The following SWT1 variants were observed in gnomAD, a reference collection of about 807,000 sequenced individuals.
SWT1 encodes SWT1 RNA endoribonuclease homolog, also known as transcriptional protein SWT1.
A neutral mutation model predicts 107.3 loss-of-function variants in SWT1; 33 were observed. The observed-to-expected ratio is 0.31, with a 90% CI of 0.23 to 0.41. SWT1 has a LOEUF of 0.41. Among genes scored for constraint, SWT1 ranks in the 10% least tolerant of loss-of-function variants. SWT1 has a pLI of 1.00. For synonymous variants in SWT1, 345 were observed against 348.3 expected, an observed-to-expected ratio of 0.99 and a Z score of 0.11; for missense variants, 898 against 1,028.9, an observed-to-expected ratio of 0.87 and a Z score of 1.74.
At chr1:185,225,777 A>G (rs766954740) in intron 15 of SWT1, among the ~76,000 whole-genome samples, 6 of 152,188 alleles carry the variant, frequency 3.9e-5, no homozygotes, top group Non-Finnish European at 8.8e-5. Flanking sequence ...CATTTCTTAG[A>G]ATGTATTCTT....
intron 5 of SWT1, 41 bp from the exon 6 acceptor site, chr1:185,180,350 T>A: frequency 6.6e-7 from 1 of 1,518,620 alleles, no homozygotes; most frequent in South Asian, 1.1e-5. Context: ...CCTATTTAGG[T>A]TATGCTTTAT....
At chr1:185,262,721 G>C (rs1447764049) in intron 16 of SWT1, among the ~76,000 whole-genome samples, 2 of 151,970 alleles carry the variant, frequency 1.3e-5, no homozygotes, top group Non-Finnish European at 2.9e-5. Flanking sequence ...GTGCTTGGCT[G>C]ACTCTTCATG....
At chr1:185,210,444 A>G (rs1337286841) in intron 13 of SWT1, among the ~76,000 whole-genome samples, 2 of 152,182 alleles carry the variant, frequency 1.3e-5, no homozygotes. Context: ...GCATATGGCT[A>G]TCCAGTTTTC....
At chr1:185,285,960 T>C (rs1033220455) in intron 18 of SWT1, among the ~76,000 whole-genome samples, 1 of 152,234 alleles carries the variant, frequency 6.6e-6, no homozygotes, top group African/African-American at 2.4e-5. Flanking sequence ...AGTTGCTTTG[T>C]AGTGAGTTTT....
chr1:185,165,516 G>C (rs1456910477), intron 2 of SWT1, among the ~76,000 whole-genome samples: 1 of 152,154 alleles, frequency 6.6e-6, no homozygotes, highest in Non-Finnish European at 1.5e-5. Flanking sequence ...CTAAATTATT[G>C]TAATAGTTTC....
intron 9 of SWT1, 32 bp from the exon 10 acceptor site, chr1:185,190,517 C>T: frequency 8.0e-7 from 1 of 1,244,126 alleles, no homozygotes; most frequent in Non-Finnish European, 1.2e-6. Context: ...TTCTAGTGTA[C>T]TTACTGACTG....
chr1:185,157,242 T>TGTGTTGGGAGGCGGGG lies in SWT1; in HGVS notation c.-79_-64dup, dbSNP rs1377497245. ...CAGTTGGTGGGGCGGGGTGTGTGTG[T>TGTGTTGGGAGGCGGGG]GTGTTGGGAGGCGGGGGTCCCTCTC... On this transcript the variant is annotated 5_prime_UTR_variant, in exon 1 of 19. An upstream open reading frame in the 5' UTR loses its in-frame stop. Coordinates refer to ENST00000367500, the MANE Select transcript of SWT1 (RefSeq NM_017673.7). 1 of 153,920 alleles carries TGTGTTGGGAGGCGGGG rather than the reference T, an allele frequency of 6.5e-6. No individual in the cohort carries two copies. The highest frequency in any genetic ancestry group is 1.8e-4 in the South Asian group (1 of 5,450). 9.5% of individuals were successfully genotyped at this position (153,920 alleles called of 1,614,324 possible).
chr1:185,211,205 A>G (rs1366693069), intron 13 of SWT1, among the ~76,000 whole-genome samples: 1 of 152,194 alleles, frequency 6.6e-6, no homozygotes, highest in Admixed American at 6.5e-5. Context: ...TAAATTTCGT[A>G]TGGAACCAAA....
At position 185,158,557 on chromosome 1, in the gene SWT1, GA is replaced by G. The variant is rs554900893; in HGVS notation, c.-10+1244del. Among the ~76,000 whole-genome samples, 14 of 144,538 alleles carry G rather than the reference GA, an allele frequency of 9.7e-5. No individual in the cohort carries two copies. In the South Asian group the frequency reaches 3.2e-3, roughly 33 times the overall value. 94.8% of individuals were successfully genotyped at this position (144,538 alleles called of 152,430 possible). Reference sequence around the variant, plus strand: ...TCATGATGATTTTTTATTTCTAAATGACTAGATGGTTAACTGAAAGCTAGAT... The same window carrying G: ...TCATGATGATTTTTTATTTCTAAATGCTAGATGGTTAACTGAAAGCTAGAT... On this transcript the variant is annotated intron_variant, in intron 1 of 18. Transcript: ENST00000367500.
chr1:185,184,939 T>G lies in SWT1; in HGVS notation c.1429+8T>G. On this transcript the variant is annotated splice_region_variant and intron_variant, in intron 9 of 18. Transcript: ENST00000367500. ...TTGCATCCCAAAAACATTGTAAGTATTGTTCTCTCAGAGTGCCTCCTGATT... is the reference window on the plus strand; with the variant it reads ...TTGCATCCCAAAAACATTGTAAGTAGTGTTCTCTCAGAGTGCCTCCTGATT... 4.1e-6 allele frequency: 6 copies of G among 1,448,514 alleles called. No homozygotes were observed. Among genetic ancestry groups the G allele is most frequent in the Non-Finnish European group, 5.5e-6 (6 of 1,098,486 alleles). The allele number at this position is 1,448,514 out of a possible 1,614,324, so 89.7% of individuals were successfully genotyped here.
At chr1:185,264,620 C>T (rs1226466211) in intron 16 of SWT1, 1 of 241,796 alleles carries the variant, frequency 4.1e-6, no homozygotes, top group African/African-American at 2.3e-5. Flanking sequence ...AAATGAGAAA[C>T]TAAACATAGA....
intron 18 of SWT1, among the ~76,000 whole-genome samples, chr1:185,277,047 G>A (rs1407365750): frequency 6.6e-6 from 1 of 152,076 alleles, no homozygotes; most frequent in Non-Finnish European, 1.5e-5. Context: ...TACATGTTAA[G>A]ATAAATAAAA....
chr1:185,248,347 C>T (rs1399763622), intron 16 of SWT1, among the ~76,000 whole-genome samples: 1 of 152,094 alleles, frequency 6.6e-6, no homozygotes, highest in South Asian at 2.1e-4. Flanking sequence ...TTCATAAATA[C>T]ATGGATTTTC....
In SWT1 at chr1:185,262,307, TCCCTTTAGTACATTGTTAA is replaced by T. The variant is rs370824824; in HGVS notation, c.2442-9011_2442-8993del. ...CCCGTTTGTCATACTTGTTTCTGGC[TCCCTTTAGTACATTGTTAA>T]CCCTGATCATAGAACTGGCCTCCAG... is the stretch of plus-strand genomic sequence containing the variant. On this transcript the variant is annotated intron_variant, in intron 16 of 18. Transcript: ENST00000367500. The T allele has an allele frequency of 6.4e-4, 98 of 152,340 alleles. 1 individual carries two copies. The highest frequency in any genetic ancestry group is 2.3e-3 in the African/African-American group (96 of 41,572). The allele number at this position is 152,340 out of a possible 1,614,324, so 9.4% of individuals were successfully genotyped here. A position where few individuals can be genotyped will look rare whatever the true frequency, so the allele number is the denominator to read the frequency against.
chr1:185,192,827 T>C (rs1487878809), intron 10 of SWT1, among the ~76,000 whole-genome samples: 2 of 152,018 alleles, frequency 1.3e-5, no homozygotes, highest in Non-Finnish European at 2.9e-5. Flanking sequence ...TTTGTATTTT[T>C]AGTAGAGATG....
At chr1:185,161,050 A>C in intron 2 of SWT1, 125 bp downstream of exon 2, 1 of 718,472 alleles carries the variant, frequency 1.4e-6, no homozygotes, top group South Asian at 2.0e-5. Flanking sequence ...ATCCAGGAAA[A>C]GTCATTTGCT....
Position 185,183,954 on chromosome 1 carries a change from C to A in SWT1, c.1139-289C>A, listed in dbSNP as rs543596251. On this transcript the variant is annotated intron_variant, in intron 7 of 18. Coordinates refer to ENST00000367500, the MANE Select transcript of SWT1 (RefSeq NM_017673.7). ...TTTGCCAACCCTTACCTTCTCTGCCCACTTTGACTTAGACGATTCTCCACC... is the reference window on the plus strand; with the variant it reads ...TTTGCCAACCCTTACCTTCTCTGCCAACTTTGACTTAGACGATTCTCCACC... 1.5e-3 allele frequency among the ~76,000 whole-genome samples: 223 copies of A among 152,276 alleles called. 1 individual carries two copies. Among genetic ancestry groups the A allele is most frequent in the Non-Finnish European group, 2.6e-3 (175 of 68,020 alleles).
rs558703732 is a variant in SWT1, at chr1:185,189,611, C to T, written c.1430-938C>T. Reference sequence around the variant, plus strand: ...TCGTGGTTTTTGGTTTCTAGTCTGACATTTTAGCCTTCTGATCACATTTCT... The same window carrying T: ...TCGTGGTTTTTGGTTTCTAGTCTGATATTTTAGCCTTCTGATCACATTTCT... On this transcript the variant is annotated intron_variant, in intron 9 of 18. Coordinates refer to ENST00000367500, the MANE Select transcript of SWT1 (RefSeq NM_017673.7). Among the ~76,000 whole-genome samples the T allele has an allele frequency of 2.4e-4, 37 of 152,182 alleles. No individual in the cohort carries two copies. The East Asian group carries it at 6.0e-3, about 25-fold the overall frequency.
chr1:185,243,130 A>T (rs1306429987), intron 16 of SWT1, among the ~76,000 whole-genome samples: 2 of 152,144 alleles, frequency 1.3e-5, no homozygotes, highest in African/African-American at 4.8e-5. Flanking sequence ...TTGTTTTGAA[A>T]CAGGGTTTCA....
Sources: allele counts gnomAD v4.1 joint callset (sites outside exome capture counted in the v4.1 genomes callset), GRCh38; gene constraint gnomAD v4.1.1; transcripts MANE v1.5; gene names NCBI Gene and HGNC (gene_info 2026-07-23, HGNC 2026-07-21).